Variants in NRG3 observed in about 807,000 individuals in gnomAD.
NRG3 encodes the protein pro-neuregulin-3, membrane-bound isoform.
Under a neutral mutation model 66.9 loss-of-function variants are expected in NRG3, and 31 were observed. That is an observed-to-expected ratio of 0.46 (90% CI 0.35 to 0.63). The LOEUF (loss-of-function observed/expected upper bound fraction) is 0.63, where lower values mean the gene tolerates loss of function less well. Ranked by LOEUF, NRG3 falls within the 20% of genes least tolerant of loss-of-function variation. The pLI, the probability that NRG3 is intolerant of heterozygous loss-of-function variation, is 0.00. For missense variants in NRG3, 910 were observed against 878.9 expected (o/e 1.04, Z -0.45); for synonymous variants, 393 against 359.4 (o/e 1.09, Z -1.06).
chr10:82,446,173 A>G (rs140768727), intron 2 of NRG3, among the ~76,000 whole-genome samples: 173 of 152,310 alleles, frequency 1.1e-3, no homozygotes, highest in African/African-American at 3.9e-3. Flanking sequence ...CTGTGCTGTG[A>G]ATGTTCTTTA....
At chr10:81,923,408 T>C (rs374028832) in intron 1 of NRG3, among the ~76,000 whole-genome samples, 5 of 152,264 alleles carry the variant, frequency 3.3e-5, no homozygotes, top group East Asian at 1.9e-4. Context: ...GGTTTCATCG[T>C]GTTAGCCAGA....
intron 2 of NRG3, among the ~76,000 whole-genome samples, chr10:82,365,050 G>A (rs374882112): frequency 6.6e-6 from 1 of 152,140 alleles, no homozygotes; most frequent in African/African-American, 2.4e-5. Flanking sequence ...ATTGGTCATT[G>A]CGTAACGACA....
At chr10:82,326,122 T>C (rs1374818150) in intron 1 of NRG3, among the ~76,000 whole-genome samples, 1 of 152,192 alleles carries the variant, frequency 6.6e-6, no homozygotes, top group Non-Finnish European at 1.5e-5. Context: ...AATGGCTTTA[T>C]TTCACCTCTG....
chr10:81,990,908 A>G (rs564008925), intron 1 of NRG3, among the ~76,000 whole-genome samples: 5 of 152,338 alleles, frequency 3.3e-5, no homozygotes, highest in Middle Eastern at 6.8e-3. Context: ...GCAAGTTTAC[A>G]TATTAAACTC....
chr10:82,198,791 G>T (rs1432936843), intron 1 of NRG3, among the ~76,000 whole-genome samples: 1 of 152,104 alleles, frequency 6.6e-6, no homozygotes, highest in Non-Finnish European at 1.5e-5. Context: ...GAGGTCAGAA[G>T]TTCGAGACCA....
chr10:82,694,398 T>C (rs1375947929), intron 2 of NRG3, among the ~76,000 whole-genome samples: 1 of 152,198 alleles, frequency 6.6e-6, no homozygotes, highest in African/African-American at 2.4e-5. Flanking sequence ...TTTTTGGCAG[T>C]TATTTTTTGT....
At chr10:81,911,272 G>A (rs986095133) in intron 1 of NRG3, among the ~76,000 whole-genome samples, 1 of 152,144 alleles carries the variant, frequency 6.6e-6, no homozygotes, top group African/African-American at 2.4e-5. Context: ...CAAATAATGG[G>A]TTTTTAAAAT....
chr10:82,018,874 T>C (rs2061919628), intron 1 of NRG3, among the ~76,000 whole-genome samples: 1 of 152,202 alleles, frequency 6.6e-6, no homozygotes, highest in Non-Finnish European at 1.5e-5. Flanking sequence ...AATCATGTCA[T>C]CTGCAAACAG....
intron 2 of NRG3, among the ~76,000 whole-genome samples, chr10:82,517,654 TGTG>T: frequency 8.0e-6 from 1 of 125,606 alleles, no homozygotes; most frequent in South Asian, 2.5e-4. Context: ...TTTGTGTGTG[TGTG>T]TGTGTGTGTG....
intron 1 of NRG3, among the ~76,000 whole-genome samples, chr10:81,910,116 T>G (rs1844985264): frequency 6.6e-6 from 1 of 152,220 alleles, no homozygotes; most frequent in African/African-American, 2.4e-5. Flanking sequence ...TTTTCTCAAT[T>G]AGCATTTTAA....
At chr10:82,158,336 A>C (rs1022191678) in intron 1 of NRG3, among the ~76,000 whole-genome samples, 4 of 151,666 alleles carry the variant, frequency 2.6e-5, no homozygotes, top group Admixed American at 2.6e-4. Context: ...TGTCATCTAA[A>C]TGTTTGAATA....
chr10:81,959,899 C>T (rs890626854), intron 1 of NRG3, among the ~76,000 whole-genome samples: 5 of 151,954 alleles, frequency 3.3e-5, no homozygotes, highest in Admixed American at 1.3e-4. Flanking sequence ...TTATTTTTTC[C>T]CTAAATCAGT....
At chr10:82,645,124 A>G (rs900584588) in intron 2 of NRG3, among the ~76,000 whole-genome samples, 1 of 152,078 alleles carries the variant, frequency 6.6e-6, no homozygotes, top group Non-Finnish European at 1.5e-5. Flanking sequence ...AAACATCTTA[A>G]TGAGTCAGAA....
intron 1 of NRG3, among the ~76,000 whole-genome samples, chr10:81,896,487 T>G (rs886151662): frequency 3.3e-5 from 5 of 152,192 alleles, no homozygotes; most frequent in African/African-American, 7.2e-5. Flanking sequence ...CTGCAAACTA[T>G]TAAGTAAGAT....
chr10:82,088,272 C>T (rs866583987), intron 1 of NRG3, among the ~76,000 whole-genome samples: 1 of 152,010 alleles, frequency 6.6e-6, no homozygotes, highest in Middle Eastern at 3.2e-3. Flanking sequence ...CTTAAGCCTA[C>T]TTGGACTGTG....
chr10:82,879,962 T>C (rs1842164239), intron 4 of NRG3, among the ~76,000 whole-genome samples: 1 of 144,510 alleles, frequency 6.9e-6, no homozygotes. Context: ...TCATCCCTTT[T>C]TTTTTTTTTT....
chr10:82,627,136 A>G (rs183924538), intron 2 of NRG3, among the ~76,000 whole-genome samples: 2 of 152,302 alleles, frequency 1.3e-5, no homozygotes, highest in East Asian at 3.9e-4. Context: ...AAGGATCTCC[A>G]GAAGTCCTGT....
At chr10:82,488,900 C>A (rs1053655494) in intron 2 of NRG3, among the ~76,000 whole-genome samples, 1 of 152,154 alleles carries the variant, frequency 6.6e-6, no homozygotes, top group Non-Finnish European at 1.5e-5. Flanking sequence ...TCACATTACT[C>A]TTGCCTTGAA....
chr10:82,940,319 T>A (rs1848479057), intron 4 of NRG3, among the ~76,000 whole-genome samples: 1 of 152,178 alleles, frequency 6.6e-6, no homozygotes, highest in African/African-American at 2.4e-5. Flanking sequence ...AAGGGGTAAC[T>A]CTTTCTTGCC....
Sources: gnomAD v4.1 joint callset for allele counts (sites outside exome capture counted in the v4.1 genomes callset) on GRCh38, gnomAD v4.1.1 for gene constraint, MANE v1.5 for transcripts, NCBI Gene and HGNC (gene_info 2026-07-23, HGNC 2026-07-21) for gene names.